Variants in NDUFA5 observed in about 807,000 individuals in gnomAD.
The protein encoded by NDUFA5 is NADH:ubiquinone oxidoreductase subunit A5, also known as NADH dehydrogenase [ubiquinone] 1 alpha subcomplex subunit 5.
A neutral mutation model predicts 19.8 loss-of-function variants in NDUFA5; 11 were observed. The ratio of observed to expected loss-of-function variants is 0.56; its 90% CI spans 0.35 to 0.92. The LOEUF is 0.92. Among genes scored for constraint, NDUFA5 ranks in the 40% least tolerant of loss-of-function variants. NDUFA5 has a pLI of 0.01. For missense variants in NDUFA5, 109 were observed against 134.2 expected, an observed-to-expected ratio of 0.81 and a Z score of 0.93; for synonymous variants, 47 against 46.8, an observed-to-expected ratio of 1.00 and a Z score of -0.01.
intron 4 of NDUFA5, among the ~76,000 whole-genome samples, chr7:123,544,752 A>G (rs1229110483): frequency 2.1e-5 from 3 of 145,894 alleles, no homozygotes; most frequent in Non-Finnish European, 4.5e-5. Flanking sequence ...TGGAGAAAAA[A>G]GATGCAAATC....
chr7:123,546,692 T>A (rs1380545461), intron 3 of NDUFA5: 1 of 1,288,730 alleles, frequency 7.8e-7, no homozygotes, highest in African/African-American at 1.5e-5. Flanking sequence ...GATATGTTAC[T>A]GCCTCAGGGT....
At chr7:123,582,249 G>A in the NDUFA5 span, among the ~76,000 whole-genome samples, 1 of 152,018 alleles carries the variant, frequency 6.6e-6, no homozygotes, top group South Asian at 2.1e-4. Context: ...CCTGTGGAAG[G>A]AAGGATGTGT....
chr7:123,570,291 C>G, the NDUFA5 span, among the ~76,000 whole-genome samples: 7 of 152,000 alleles, frequency 4.6e-5, no homozygotes, highest in African/African-American at 1.7e-4. Context: ...CCACCTCGGC[C>G]CCCCAAAGTG....
At chr7:123,567,012 C>G in the NDUFA5 span, 2 of 152,116 alleles carry the variant, frequency 1.3e-5, no homozygotes, top group Non-Finnish European at 2.9e-5. Context: ...TTTGTTGTAA[C>G]CCTGGGTTCA....
chr7:123,579,588 A>G, the NDUFA5 span, among the ~76,000 whole-genome samples: 1 of 152,098 alleles, frequency 6.6e-6, no homozygotes, highest in Non-Finnish European at 1.5e-5. Flanking sequence ...AATTGCAGTC[A>G]AAATGAAAGT....
At chr7:123,593,581 T>C in the NDUFA5 span, among the ~76,000 whole-genome samples, 1 of 152,294 alleles carries the variant, frequency 6.6e-6, no homozygotes, top group South Asian at 2.1e-4. Flanking sequence ...TTTTTTTTTC[T>C]TTAAGAATGT....
the NDUFA5 span, among the ~76,000 whole-genome samples, chr7:123,574,087 G>T: frequency 1.3e-5 from 2 of 152,020 alleles, no homozygotes; most frequent in Non-Finnish European, 2.9e-5. Context: ...ATGATTGTTA[G>T]CCTGTTAAAT....
At chr7:123,565,396 T>TAC in the NDUFA5 span, among the ~76,000 whole-genome samples, 40,191 of 148,122 alleles carry the variant, frequency 0.27, 5,301 homozygotes, top group Middle Eastern at 0.33. Flanking sequence ...TAGCTTATAA[T>TAC]ACACACACAC....
At chr7:123,578,230 C>T in the NDUFA5 span, among the ~76,000 whole-genome samples, 2 of 150,022 alleles carry the variant, frequency 1.3e-5, no homozygotes, top group Admixed American at 1.3e-4. Context: ...CACAAGCTAC[C>T]TGCTGATATT....
At position 123,557,751 on chromosome 7, in the gene NDUFA5, AACAGTG is replaced by A. The variant is rs772712523; in HGVS notation, c.21+18_21+23del. The A allele has an allele frequency of 6.2e-6, 10 of 1,613,968 alleles. No homozygotes were observed. The highest frequency in any genetic ancestry group is 7.6e-6 in the Non-Finnish European group (9 of 1,179,998). On this transcript the variant is annotated intron_variant, in intron 1 of 4. Coordinates refer to ENST00000355749, the MANE Select transcript of NDUFA5 (RefSeq NM_005000.5). ...AGTCTACCCCCACAGTCTAAATTCC[AACAGTG>A]ACCTCCATTCGTCTCACCTTCTTCA...
At chr7:123,553,616 T>C (rs1798435688) in intron 2 of NDUFA5, among the ~76,000 whole-genome samples, 1 of 152,064 alleles carries the variant, frequency 6.6e-6, no homozygotes, top group Non-Finnish European at 1.5e-5. Context: ...GATGGGGAAA[T>C]ACATAGAGCA....
At chr7:123,565,616 C>T in the NDUFA5 span, among the ~76,000 whole-genome samples, 1 of 152,158 alleles carries the variant, frequency 6.6e-6, no homozygotes, top group Non-Finnish European at 1.5e-5. Flanking sequence ...TGCGGTGGCT[C>T]ACGCCTGTAA....
In NDUFA5 at chr7:123,546,569, G is replaced by C. The variant is rs531958404; in HGVS notation, c.184-893C>G. The stretch of plus-strand genomic sequence containing the variant: ...CTTTTTGAGCCAGAAATCATGCTCT[G>C]TAAATATACCCACATATGTAAATAA... On this transcript the variant is annotated intron_variant, in intron 3 of 4. Coordinates refer to ENST00000355749, the MANE Select transcript of NDUFA5 (RefSeq NM_005000.5). The C allele has an allele frequency of 4.2e-5, 37 of 873,152 alleles. No homozygotes were observed. In the African/African-American group the frequency reaches 6.1e-4, roughly 14 times the overall value. The allele number at this position is 873,152 out of a possible 1,614,324, so 54.1% of individuals were successfully genotyped here. A position where few individuals can be genotyped will look rare whatever the true frequency, so the allele number is the denominator to read the frequency against.
At chr7:123,599,727 A>G in the NDUFA5 span, among the ~76,000 whole-genome samples, 3 of 152,240 alleles carry the variant, frequency 2.0e-5, no homozygotes, top group Admixed American at 1.3e-4. Context: ...ATCAGTTGCT[A>G]TAATTATCAT....
the NDUFA5 span, among the ~76,000 whole-genome samples, chr7:123,595,121 G>A: frequency 6.6e-6 from 1 of 152,344 alleles, no homozygotes; most frequent in East Asian, 1.9e-4. Flanking sequence ...CCAGGCATGG[G>A]AGGCCTAAAT....
At chr7:123,595,349 C>T in the NDUFA5 span, among the ~76,000 whole-genome samples, 11 of 152,114 alleles carry the variant, frequency 7.2e-5, no homozygotes, top group African/African-American at 2.4e-4. Flanking sequence ...ATCCTTTTTG[C>T]CTCATGACAA....
the NDUFA5 span, among the ~76,000 whole-genome samples, chr7:123,564,552 C>CAT: frequency 6.6e-6 from 1 of 151,360 alleles, no homozygotes; most frequent in Admixed American, 6.6e-5. Context: ...ATGAAATAGC[C>CAT]ATATATATAG....
chr7:123,561,426 G>A (rs1798686277), upstream of NDUFA5, among the ~76,000 whole-genome samples: 1 of 152,180 alleles, frequency 6.6e-6, no homozygotes. Flanking sequence ...TCATGAGATT[G>A]CAGCAGTTCA....
chr7:123,570,680 T>G, the NDUFA5 span, among the ~76,000 whole-genome samples: 10 of 151,792 alleles, frequency 6.6e-5, no homozygotes, highest in Non-Finnish European at 1.3e-4. Flanking sequence ...TGGTAAATCT[T>G]GTATTAGTTC....
Sources: gnomAD v4.1 joint callset for allele counts (sites outside exome capture counted in the v4.1 genomes callset) on GRCh38, gnomAD v4.1.1 for gene constraint, MANE v1.5 for transcripts, NCBI Gene and HGNC (gene_info 2026-07-23, HGNC 2026-07-21) for gene names.